L1TD1: variants seen among roughly 807,000 people sequenced by gnomAD.
L1TD1 encodes the protein LINE1 type transposase domain containing 1, also known as LINE-1 type transposase domain-containing protein 1.
L1TD1 carries 26 observed loss-of-function variants against 25.7 expected under a neutral mutation model. The ratio of observed to expected loss-of-function variants is 1.01; its 90% CI spans 0.74 to 1.40. L1TD1 has a LOEUF of 1.40. Ranked by LOEUF, L1TD1 falls within the 40% of genes most tolerant of loss-of-function variation. The probability of loss-of-function intolerance (pLI) is 0.00; values close to 1 mark genes in which losing one functional copy is unlikely to be tolerated. For missense variants in L1TD1, 1,130 were observed against 975.0 expected, an observed-to-expected ratio of 1.16 and a Z score of -2.12; for synonymous variants, 421 against 335.6, an observed-to-expected ratio of 1.25 and a Z score of -2.78.
intron 2 of L1TD1, among the ~76,000 whole-genome samples, chr1:62,205,443 A>ATATATATTTTTTTTTTTTTT (rs1553122597): frequency 1.6e-5 from 1 of 63,658 alleles, no homozygotes; most frequent in African/African-American, 5.6e-5. Flanking sequence ...ATATATATAT[A>ATATATATTTTTTTTTTTTTT]TTTTTTTTTA....
At chr1:62,201,426 T>G (rs1477114829) in intron 2 of L1TD1, among the ~76,000 whole-genome samples, 1 of 148,008 alleles carries the variant, frequency 6.8e-6, no homozygotes, top group Non-Finnish European at 1.5e-5. Context: ...AAAAAAATAT[T>G]AGAAGCATTA....
intron 2 of L1TD1, among the ~76,000 whole-genome samples, chr1:62,205,366 A>ACTCCCTCTCTCT (rs1557443295): frequency 5.7e-5 from 6 of 105,916 alleles, no homozygotes; most frequent in African/African-American, 2.1e-4. Flanking sequence ...ACCAACGAAA[A>ACTCCCTCTCTCT]CTCTCTTTCT....
intron 2 of L1TD1, among the ~76,000 whole-genome samples, chr1:62,197,760 C>T (rs965576222): frequency 1.3e-5 from 2 of 151,986 alleles, no homozygotes; most frequent in African/African-American, 4.8e-5. Flanking sequence ...CTTGTAGTCC[C>T]AGCTACTCGG....
intron 2 of L1TD1, among the ~76,000 whole-genome samples, chr1:62,205,419 A>G (rs12129320): frequency 2.3e-5 from 1 of 43,800 alleles, no homozygotes; most frequent in Non-Finnish European, 3.9e-5. Context: ...CTCTCTCTCT[A>G]TATATATATA....
At chr1:62,201,450 G>A (rs572948755) in intron 2 of L1TD1, among the ~76,000 whole-genome samples, 4 of 147,792 alleles carry the variant, frequency 2.7e-5, no homozygotes, top group Admixed American at 2.1e-4. Flanking sequence ...GGCTAGACCC[G>A]GTGCCACTGC....
rs201035870 is a variant in L1TD1 at position 62,206,917 on chromosome 1, A to G, written c.289A>G (p.Ser97Gly). The part of the protein sequence containing the change: ...IPEVKNSENS[S>G]SRTEFQQIIN... ...TGAGGTAAAGAATTCAGAGAACTCCAGTAGTAGGACAGAGTTTCAGCAAAT... is the reference window on the plus strand; with the variant it reads ...TGAGGTAAAGAATTCAGAGAACTCCGGTAGTAGGACAGAGTTTCAGCAAAT... Residue 97 changes from serine (S) to glycine (G), a missense_variant, in exon 3 of 4, where the codon AGT becomes GGT. Transcript: ENST00000498273. 1.9e-6 allele frequency: 3 copies of G among 1,613,964 alleles called. No homozygotes were observed. Among genetic ancestry groups the G allele is most frequent in the East Asian group, 2.2e-5 (1 of 44,836 alleles).
chr1:62,208,878 G>GA (rs1670804965), intron 3 of L1TD1, among the ~76,000 whole-genome samples: 1 of 152,150 alleles, frequency 6.6e-6, no homozygotes, highest in Non-Finnish European at 1.5e-5. Context: ...TGCAAAGTGA[G>GA]AATCCATAAG....
At position 62,209,868 on chromosome 1, in the gene L1TD1, T is replaced by A. The variant is rs1670823190; in HGVS notation, c.1094T>A (p.Val365Asp). ...TTCCTATTTCTTAAAGAAGTAAAAG[T>A]TGCTAAGCCAGAGGAGATGAAAAAC... The part of the protein sequence containing the change: ...LSFLFLKEVK[V>D]AKPEEMKNLE... Residue 365 changes from valine to aspartate, a missense_variant, in exon 4 of 4, where the codon GTT becomes GAT. Val to Asp is a radical substitution (Grantham distance 152). Transcript: ENST00000498273. 1.2e-6 allele frequency: 2 copies of A among 1,613,994 alleles called. No homozygotes were observed. Among genetic ancestry groups the A allele is most frequent in the Non-Finnish European group, 1.7e-6 (2 of 1,179,994 alleles).
intron 2 of L1TD1, among the ~76,000 whole-genome samples, chr1:62,204,182 G>A (rs1180776725): frequency 6.6e-6 from 1 of 152,050 alleles, no homozygotes; most frequent in Non-Finnish European, 1.5e-5. Context: ...TTCCTTATTT[G>A]TATTTTGGTT....
chr1:62,211,614 T>G lies in L1TD1; in HGVS notation c.*242T>G. The G allele has an allele frequency of 2.2e-6, 1 of 446,290 alleles. No homozygotes were observed. Among genetic ancestry groups the G allele is most frequent in the Non-Finnish European group, 3.5e-6 (1 of 282,052 alleles). 27.6% of individuals were successfully genotyped at this position (446,290 alleles called of 1,614,324 possible). On this transcript the variant is annotated 3_prime_UTR_variant, in exon 4 of 4. Transcript: ENST00000498273. The stretch of plus-strand genomic sequence containing the variant: ...GATCACAGTCAGTTACAGATAGAAT[T>G]CCTTGTTTTACTTCCCCCCCACCAC...
At chr1:62,198,063 A>T (rs1267554525) in intron 2 of L1TD1, among the ~76,000 whole-genome samples, 1 of 152,120 alleles carries the variant, frequency 6.6e-6, no homozygotes, top group Non-Finnish European at 1.5e-5. Flanking sequence ...ATAGTGTTAA[A>T]AGTATAAAGC....
intron 2 of L1TD1, among the ~76,000 whole-genome samples, chr1:62,202,561 TAGCTGTTCATTTAAAA>T (rs1557441885): frequency 4.8e-5 from 7 of 145,218 alleles, no homozygotes; most frequent in African/African-American, 7.6e-5. Context: ...TTTTTTTTTT[TAGCTGTTCATTTAAAA>T]TTTTTTATTT....
chr1:62,203,959 CAG>C (rs1265766264), intron 2 of L1TD1, among the ~76,000 whole-genome samples: 9 of 152,142 alleles, frequency 5.9e-5, no homozygotes, highest in African/African-American at 1.7e-4. Context: ...GTCCTGACCT[CAG>C]GGGATCCACC....
intron 2 of L1TD1, among the ~76,000 whole-genome samples, chr1:62,203,370 T>C (rs1670678421): frequency 6.6e-6 from 1 of 152,142 alleles, no homozygotes; most frequent in African/African-American, 2.4e-5. Context: ...ACCATCCCTA[T>C]TCCCTACATC....
intron 1 of L1TD1, among the ~76,000 whole-genome samples, chr1:62,195,385 A>G (rs1013680867): frequency 5.3e-5 from 8 of 152,256 alleles, no homozygotes; most frequent in Admixed American, 5.2e-4. Flanking sequence ...CAAATTGGAA[A>G]CATGAAAGTA....
At chr1:62,205,443 A>ATATTTTT (rs1553122597) in intron 2 of L1TD1, among the ~76,000 whole-genome samples, 1 of 63,662 alleles carries the variant, frequency 1.6e-5, no homozygotes, top group Non-Finnish European at 3.1e-5. Flanking sequence ...ATATATATAT[A>ATATTTTT]TTTTTTTTTA....
At chr1:62,204,495 A>G (rs1029618274) in intron 2 of L1TD1, among the ~76,000 whole-genome samples, 20 of 152,188 alleles carry the variant, frequency 1.3e-4, no homozygotes, top group African/African-American at 4.8e-5. Flanking sequence ...TAAACATAGA[A>G]GTTTTTAAGT....
chr1:62,210,414 G>A lies in L1TD1; in HGVS notation c.1640G>A (p.Gly547Asp), dbSNP rs1400493751. Residue 547 changes from glycine (G) to aspartate (D), a missense_variant, in exon 4 of 4, where the codon GGC becomes GAC. Coordinates refer to ENST00000498273, the MANE Select transcript of L1TD1 (RefSeq NM_019079.5). ...ETAVPTSQGT[G>D]TPCLTLCLAS... ...GCTGTGCCCACAAGTCAAGGAACTGGCACACCCTGTCTGACCTTATGTTTG... is the reference window on the plus strand; with the variant it reads ...GCTGTGCCCACAAGTCAAGGAACTGACACACCCTGTCTGACCTTATGTTTG... 2 of 1,613,964 alleles carry A rather than the reference G, an allele frequency of 1.2e-6. No individual in the cohort carries two copies. The highest frequency in any genetic ancestry group is 2.7e-5 in the African/African-American group (2 of 74,898).
At position 62,211,546 on chromosome 1, in the gene L1TD1, T is replaced by TA. The variant is rs1260472550; in HGVS notation, c.*182dup. On this transcript the variant is annotated 3_prime_UTR_variant, in exon 4 of 4. Coordinates refer to ENST00000498273, the MANE Select transcript of L1TD1 (RefSeq NM_019079.5). ...CCTAGATGTTAATAAAGGGTATGTT[T>TA]AAAAAAAATAGGCTGGTCTCAATGT... 100 of 1,071,976 alleles carry TA rather than the reference T, an allele frequency of 9.3e-5. No individual in the cohort carries two copies. The highest frequency in any genetic ancestry group is 2.4e-4 in the Admixed American group (8 of 32,834). 66.4% of individuals were successfully genotyped at this position (1,071,976 alleles called of 1,614,324 possible). A position where few individuals can be genotyped will look rare whatever the true frequency, so the allele number is the denominator to read the frequency against.
Sources: allele counts gnomAD v4.1 joint callset (sites outside exome capture counted in the v4.1 genomes callset), GRCh38; gene constraint gnomAD v4.1.1; transcripts MANE v1.5; gene names NCBI Gene and HGNC (gene_info 2026-07-23, HGNC 2026-07-21).